PHYHIPL: variants seen among roughly 807,000 people sequenced by gnomAD.
PHYHIPL encodes the protein phytanoyl-CoA hydroxylase-interacting protein-like.
A neutral mutation model predicts 33.4 loss-of-function variants in PHYHIPL; 9 were observed. The observed-to-expected ratio is 0.27, with a 90% CI of 0.16 to 0.47. The LOEUF is 0.47. Ranked by LOEUF, PHYHIPL falls within the 20% of genes least tolerant of loss-of-function variation. The probability of loss-of-function intolerance (pLI) is 0.99; values close to 1 mark genes in which losing one functional copy is unlikely to be tolerated. For missense variants in PHYHIPL, 365 were observed against 460.7 expected (o/e 0.79, Z 1.90); for synonymous variants, 153 against 154.1 (o/e 0.99, Z 0.05).
intron 4 of PHYHIPL, among the ~76,000 whole-genome samples, chr10:59,243,635 T>A (rs148943682): frequency 2.0e-4 from 31 of 152,262 alleles, no homozygotes; most frequent in African/African-American, 7.5e-4. Context: ...CAGAGGCAGA[T>A]CCAGGCATTT....
rs1368136583 is a variant in PHYHIPL, at chr10:59,246,523, G to A, written c.*932G>A. On this transcript the variant is annotated 3_prime_UTR_variant, in exon 5 of 5. Coordinates refer to ENST00000373880, the MANE Select transcript of PHYHIPL (RefSeq NM_032439.4). ...ATACAAACAAGGTTGGTACATGAGA[G>A]AAAATGTTGACCTTTTACTTCCTTT... The A allele has an allele frequency of 2.5e-6, 1 of 392,202 alleles. No homozygotes were observed. The highest frequency in any genetic ancestry group is 4.5e-6 in the Non-Finnish European group (1 of 221,978). 24.3% of individuals were successfully genotyped at this position (392,202 alleles called of 1,614,324 possible).
chr10:59,220,303 G>A (rs1259079773), intron 1 of PHYHIPL, among the ~76,000 whole-genome samples: 1 of 151,954 alleles, frequency 6.6e-6, no homozygotes, highest in Non-Finnish European at 1.5e-5. Context: ...TTAAAAAGTT[G>A]GCAGTTGAGT....
Position 59,245,318 on chromosome 10 carries a change from T to C in PHYHIPL, c.858T>C (p.Ala286=). 1 of 1,614,164 alleles carries C rather than the reference T, an allele frequency of 6.2e-7. No homozygotes were observed. Among genetic ancestry groups the C allele is most frequent in the Non-Finnish European group, 8.5e-7 (1 of 1,180,024 alleles). ...ATCATTATGTGATTCTTGTTATTGCTCCTGTGGGATCACCAGGAGATGAAT... is the reference window on the plus strand; with the variant it reads ...ATCATTATGTGATTCTTGTTATTGCCCCTGTGGGATCACCAGGAGATGAAT... The part of the protein sequence containing the change: ...TAYHYVILVI[A]PVGSPGDEFC... The change falls in exon 5 of 5, where the codon GCT becomes GCC. Residue 286 remains alanine (A), a synonymous_variant. Transcript: ENST00000373880.
intron 1 of PHYHIPL, among the ~76,000 whole-genome samples, chr10:59,197,003 G>A (rs943942965): frequency 1.4e-4 from 22 of 152,164 alleles, no homozygotes; most frequent in Middle Eastern, 3.2e-3. Context: ...TTTTAGTTAT[G>A]TATATGAAAT....
At chr10:59,229,287 A>T (rs1223818769) in intron 1 of PHYHIPL, among the ~76,000 whole-genome samples, 1 of 152,200 alleles carries the variant, frequency 6.6e-6, no homozygotes, top group African/African-American at 2.4e-5. Context: ...GAGAAATATT[A>T]TGTGGTTATA....
intron 1 of PHYHIPL, among the ~76,000 whole-genome samples, chr10:59,204,116 T>G (rs1347987188): frequency 6.6e-6 from 1 of 152,172 alleles, no homozygotes; most frequent in Non-Finnish European, 1.5e-5. Flanking sequence ...TATGTAGGGT[T>G]TAGGCCAATA....
intron 1 of PHYHIPL, among the ~76,000 whole-genome samples, chr10:59,230,021 A>G (rs1840032385): frequency 6.6e-6 from 1 of 152,102 alleles, no homozygotes; most frequent in African/African-American, 2.4e-5. Context: ...ATTCACCACA[A>G]CAACACTGGT....
chr10:59,236,664 G>T lies in PHYHIPL; in HGVS notation c.478+7G>T. ...ATAGAATTCTGCACCGCAGGTAAGA[G>T]AACTAGGTACAAATATAGAAAAGCT... is the stretch of plus-strand genomic sequence containing the variant. On this transcript the variant is annotated splice_region_variant and intron_variant, in intron 3 of 4. Coordinates refer to ENST00000373880, the MANE Select transcript of PHYHIPL (RefSeq NM_032439.4). The T allele has an allele frequency of 6.3e-7, 1 of 1,580,456 alleles. No homozygotes were observed. Among genetic ancestry groups the T allele is most frequent in the South Asian group, 1.2e-5 (1 of 84,762 alleles).
rs188342955 is a variant in PHYHIPL at position 59,222,492 on chromosome 10, T to C, written c.107-11812T>C. Among the ~76,000 whole-genome samples, 132 of 151,936 alleles carry C rather than the reference T, an allele frequency of 8.7e-4. 3 individuals carry two copies. The highest frequency in any genetic ancestry group is 1.3e-3 in the Non-Finnish European group (91 of 67,898). Reference sequence around the variant, plus strand: ...CAAGCTATAAGGTTAAAGGAGACCCTAAAGGCAGGAAATTAGATGTGATCT... The same window carrying C: ...CAAGCTATAAGGTTAAAGGAGACCCCAAAGGCAGGAAATTAGATGTGATCT... On this transcript the variant is annotated intron_variant, in intron 1 of 4. Coordinates refer to ENST00000373880, the MANE Select transcript of PHYHIPL (RefSeq NM_032439.4).
intron 1 of PHYHIPL, among the ~76,000 whole-genome samples, chr10:59,215,007 G>A (rs1460340233): frequency 6.6e-6 from 1 of 151,986 alleles, no homozygotes; most frequent in Non-Finnish European, 1.5e-5. Flanking sequence ...GTTGAAGTAA[G>A]TAGTATACTT....
At chr10:59,234,856 C>G (rs891120525) in intron 2 of PHYHIPL, among the ~76,000 whole-genome samples, 5 of 151,762 alleles carry the variant, frequency 3.3e-5, no homozygotes, top group Non-Finnish European at 5.9e-5. Flanking sequence ...TTTGTAGATA[C>G]AGGTGTAAAC....
chr10:59,214,788 C>T (rs1324917475), intron 1 of PHYHIPL, among the ~76,000 whole-genome samples: 1 of 151,968 alleles, frequency 6.6e-6, no homozygotes, highest in Non-Finnish European at 1.5e-5. Flanking sequence ...CAAAGATCAA[C>T]CCAATAGGAA....
intron 1 of PHYHIPL, among the ~76,000 whole-genome samples, chr10:59,198,610 G>C (rs1200183238): frequency 2.6e-5 from 4 of 152,158 alleles, no homozygotes; most frequent in African/African-American, 4.8e-5. Flanking sequence ...TCTAGTTCTA[G>C]ATCCTTGAGG....
intron 1 of PHYHIPL, among the ~76,000 whole-genome samples, chr10:59,196,656 G>C (rs185147037): frequency 1.6e-3 from 249 of 152,122 alleles, no homozygotes; most frequent in Non-Finnish European, 3.1e-3. Flanking sequence ...CTGACCTTGT[G>C]ATCCGTCCGA....
At position 59,216,269 on chromosome 10, in the gene PHYHIPL, C is replaced by A. The variant is rs192848854; in HGVS notation, c.107-18035C>A. Among the ~76,000 whole-genome samples the A allele has an allele frequency of 2.3e-3, 343 of 152,124 alleles. 3 individuals carry two copies. Among genetic ancestry groups the A allele is most frequent in the African/African-American group, 8.0e-3 (331 of 41,522 alleles). ...GTAGATTCATGTGGCTAGTGGCACT[C>A]ACACTGAATTTCAGCACTTGTGAGA... On this transcript the variant is annotated intron_variant, in intron 1 of 4. Transcript: ENST00000373880.
chr10:59,218,437 T>G (rs1217457806), intron 1 of PHYHIPL, among the ~76,000 whole-genome samples: 1 of 152,142 alleles, frequency 6.6e-6, no homozygotes, highest in Non-Finnish European at 1.5e-5. Flanking sequence ...GTGGGAGAGA[T>G]ATTTGATCCC....
chr10:59,222,717 G>C (rs184629157), intron 1 of PHYHIPL, among the ~76,000 whole-genome samples: 3 of 33,456 alleles, frequency 9.0e-5, no homozygotes, highest in African/African-American at 2.8e-4. Context: ...TCAGAAAAGT[G>C]GGGGGGGTTT....
chr10:59,202,535 G>A (rs1839151858), intron 1 of PHYHIPL, among the ~76,000 whole-genome samples: 1 of 152,124 alleles, frequency 6.6e-6, no homozygotes, highest in African/African-American at 2.4e-5. Flanking sequence ...ATTTAGATAT[G>A]TGTGTCTGTG....
chr10:59,204,476 C>T (rs1839230163), intron 1 of PHYHIPL, among the ~76,000 whole-genome samples: 1 of 152,102 alleles, frequency 6.6e-6, no homozygotes, highest in Non-Finnish European at 1.5e-5. Context: ...GTCAGTCGAA[C>T]TAGAATTATT....
Sources: gnomAD v4.1 joint callset for allele counts (sites outside exome capture counted in the v4.1 genomes callset) on GRCh38, gnomAD v4.1.1 for gene constraint, MANE v1.5 for transcripts, NCBI Gene and HGNC (gene_info 2026-07-23, HGNC 2026-07-21) for gene names.